Variants in OSTC observed in about 807,000 individuals in gnomAD.
OSTC encodes oligosaccharyltransferase complex subunit OSTC.
A neutral mutation model predicts 16.4 loss-of-function variants in OSTC; 16 were observed. The ratio of observed to expected loss-of-function variants is 0.98; its 90% CI spans 0.66 to 1.49. The LOEUF is 1.49. Among genes scored for constraint, OSTC ranks in the 40% most tolerant of loss-of-function variants. The probability of loss-of-function intolerance (pLI) is 0.00; values close to 1 mark genes in which losing one functional copy is unlikely to be tolerated. For missense variants in OSTC, 139 were observed against 186.3 expected, an observed-to-expected ratio of 0.75 and a Z score of 1.48; for synonymous variants, 67 against 68.5, an observed-to-expected ratio of 0.98 and a Z score of 0.11.
chr4:108,650,898 C>A, intron 1 of OSTC, 104 bp downstream of exon 1: 1 of 1,526,042 alleles, frequency 6.6e-7, no homozygotes, highest in Non-Finnish European at 8.9e-7. Flanking sequence ...AAGCATAGCT[C>A]TGCTTTGGAT....
chr4:108,651,110 T>C, intron 1 of OSTC: 1 of 283,184 alleles, frequency 3.5e-6, no homozygotes, highest in South Asian at 4.6e-5. Flanking sequence ...CCATACGTTG[T>C]TTGATAAATG....
In OSTC at chr4:108,657,515, G is replaced by T. The variant is rs1578339161; in HGVS notation, c.299G>T (p.Gly100Val). 6.2e-7 allele frequency: 1 copy of T among 1,613,508 alleles called. No homozygotes were observed. The highest frequency in any genetic ancestry group is 1.1e-5 in the South Asian group (1 of 91,076). ...TTCCTATTTACAATGGGAGGTTTAG[G>T]TTTCATAATCCTGGACCGATCGAAT... ...SSFLFTMGGLGFIILDRSNAP... is the reference protein window; with the variant it reads ...SSFLFTMGGLVFIILDRSNAP... The change falls in exon 3 of 4, where the codon GGT becomes GTT. Residue 100 changes from glycine (G) to valine (V), a missense_variant. By Grantham distance (109) the Gly-to-Val change is moderately radical (BLOSUM62 -3). Transcript: ENST00000361564.
chr4:108,667,571 A>G lies in OSTC; in HGVS notation c.*306A>G, dbSNP rs1727042316. 1 of 243,328 alleles carries G rather than the reference A, an allele frequency of 4.1e-6. No individual in the cohort carries two copies. Among genetic ancestry groups the G allele is most frequent in the East Asian group, 7.8e-5 (1 of 12,792 alleles). The allele number at this position is 243,328 out of a possible 1,614,324, so 15.1% of individuals were successfully genotyped here. On this transcript the variant is annotated 3_prime_UTR_variant, in exon 4 of 4. Transcript: ENST00000361564. ...CATATCTACAACTATAATATCAAAT[A>G]AAGTGATTATTTTTTACAACCCTCT...
chr4:108,661,235 A>G (rs1270082219), intron 3 of OSTC, among the ~76,000 whole-genome samples: 1 of 146,222 alleles, frequency 6.8e-6, no homozygotes, highest in African/African-American at 2.5e-5. Flanking sequence ...AAAAAAAAAA[A>G]GAATAAAGAA....
At chr4:108,655,160 C>T (rs1726669288) in intron 1 of OSTC, among the ~76,000 whole-genome samples, 1 of 152,156 alleles carries the variant, frequency 6.6e-6, no homozygotes, top group Non-Finnish European at 1.5e-5. Context: ...TCAAAGCATT[C>T]CTATTTAAAA....
intron 2 of OSTC, among the ~76,000 whole-genome samples, chr4:108,656,821 C>T (rs1363810265): frequency 6.6e-6 from 1 of 152,026 alleles, no homozygotes; most frequent in South Asian, 2.1e-4. Context: ...TAACCTAGAC[C>T]GGGCGCAGTG....
Position 108,656,902 on chromosome 4 carries a change from A to G in OSTC, c.234-548A>G, listed in dbSNP as rs921429273. Reference sequence around the variant, plus strand: ...ATCACGAGGTCAGGAGATTGGGACTATCCTGGCTAACCCGGTGAAACCCTG... The same window carrying G: ...ATCACGAGGTCAGGAGATTGGGACTGTCCTGGCTAACCCGGTGAAACCCTG... On this transcript the variant is annotated intron_variant, in intron 2 of 3. Transcript: ENST00000361564. Among the ~76,000 whole-genome samples, 4 of 152,116 alleles carry G rather than the reference A, an allele frequency of 2.6e-5. No homozygotes were observed. The East Asian group carries it at 5.8e-4, about 22-fold the overall frequency.
rs1056705332 is a variant in OSTC, at chr4:108,650,713, A to G, written c.58A>G (p.Lys20Glu). The change falls in exon 1 of 4, where the codon AAG becomes GAG. Residue 20 changes from lysine to glutamate, a missense_variant. Coordinates refer to ENST00000361564, the MANE Select transcript of OSTC (RefSeq NM_021227.4). The stretch of plus-strand genomic sequence containing the variant: ...GCTCGAATGTCCCAACCTGAAGCTG[A>G]AGAAGCCGCCCTGGTTGCACATGCC... ...LVLECPNLKL[K>E]KPPWLHMPSA... is the part of the protein sequence containing the mutation. 6.2e-7 allele frequency: 1 copy of G among 1,614,094 alleles called. No homozygotes were observed. Among genetic ancestry groups the G allele is most frequent in the Non-Finnish European group, 8.5e-7 (1 of 1,180,040 alleles).
At chr4:108,664,128 A>G (rs1726934537) in intron 3 of OSTC, among the ~76,000 whole-genome samples, 1 of 149,418 alleles carries the variant, frequency 6.7e-6, no homozygotes, top group African/African-American at 2.6e-5. Flanking sequence ...TTATAACATT[A>G]TAATATTTCT....
Position 108,667,469 on chromosome 4 carries a change from T to A in OSTC, c.*204T>A. The A allele has an allele frequency of 2.3e-6, 1 of 435,234 alleles. No homozygotes were observed. Among genetic ancestry groups the A allele is most frequent in the Non-Finnish European group, 4.1e-6 (1 of 245,008 alleles). The allele number at this position is 435,234 out of a possible 1,614,324, so 27.0% of individuals were successfully genotyped here. On this transcript the variant is annotated 3_prime_UTR_variant, in exon 4 of 4. Transcript: ENST00000361564. ...AAAGAGACAAGTTTATCACAGAATT[T>A]TTTTTCCTGCTGGCCTATTGCTATA...
intron 3 of OSTC, among the ~76,000 whole-genome samples, chr4:108,659,006 T>G: frequency 1.6e-5 from 2 of 122,616 alleles, no homozygotes; most frequent in African/African-American, 6.5e-5. Flanking sequence ...TGAGATGGAG[T>G]CTCACATTAT....
chr4:108,663,358 C>A (rs948704631), intron 3 of OSTC: 12 of 359,458 alleles, frequency 3.3e-5, no homozygotes, highest in South Asian at 2.2e-4. Context: ...ACTACAGGCG[C>A]CCACCACCAT....
At chr4:108,662,085 G>A (rs540236604) in intron 3 of OSTC, among the ~76,000 whole-genome samples, 1 of 152,278 alleles carries the variant, frequency 6.6e-6, no homozygotes, top group African/African-American at 2.4e-5. Context: ...CAAAAGGTCT[G>A]CCTTATTTCA....
intron 2 of OSTC, among the ~76,000 whole-genome samples, chr4:108,657,177 G>T (rs1176710701): frequency 6.6e-6 from 1 of 151,690 alleles, no homozygotes; most frequent in Non-Finnish European, 1.5e-5. Flanking sequence ...GACATTTTTT[G>T]AATGTGAACT....
At chr4:108,653,557 G>C (rs145527425) in intron 1 of OSTC, among the ~76,000 whole-genome samples, 2 of 152,194 alleles carry the variant, frequency 1.3e-5, no homozygotes, top group Non-Finnish European at 2.9e-5. Context: ...TTCACTGGGT[G>C]TAGGGGAAGA....
intron 1 of OSTC, chr4:108,651,096 C>G (rs1726528222): frequency 3.1e-6 from 1 of 324,136 alleles, no homozygotes; most frequent in South Asian, 3.8e-5. Flanking sequence ...CTTTTTGTTG[C>G]TTGCCATACG....
intron 3 of OSTC, among the ~76,000 whole-genome samples, chr4:108,659,676 G>T (rs1726803290): frequency 6.6e-6 from 1 of 152,144 alleles, no homozygotes; most frequent in Non-Finnish European, 1.5e-5. Flanking sequence ...GGCTGAGGCA[G>T]GAGAATGGCG....
At chr4:108,651,269 A>G (rs1332915504) in intron 1 of OSTC, 1 of 158,290 alleles carries the variant, frequency 6.3e-6, no homozygotes, top group Non-Finnish European at 1.4e-5. Context: ...GGAATCTTGG[A>G]AGAGACTTGA....
In OSTC at chr4:108,654,149, A is replaced by T. The variant is rs150190078; in HGVS notation, c.140-1415A>T. 9.7e-3 allele frequency among the ~76,000 whole-genome samples: 1,480 copies of T among 152,348 alleles called. 28 individuals carry two copies. The highest frequency in any genetic ancestry group is 0.034 in the African/African-American group (1,397 of 41,580). Reference sequence around the variant, plus strand: ...GAGAAGTCCCCTAAGATGAGAACTGAAAAGTGTCTATTGAATTTGACAACA... The same window carrying T: ...GAGAAGTCCCCTAAGATGAGAACTGTAAAGTGTCTATTGAATTTGACAACA... On this transcript the variant is annotated intron_variant, in intron 1 of 3. Transcript: ENST00000361564.
Sources: gnomAD v4.1 joint callset for allele counts (sites outside exome capture counted in the v4.1 genomes callset) on GRCh38, gnomAD v4.1.1 for gene constraint, MANE v1.5 for transcripts, NCBI Gene and HGNC (gene_info 2026-07-23, HGNC 2026-07-21) for gene names.